Variants in GFOD2 observed in about 807,000 individuals in gnomAD.
The protein encoded by GFOD2 is Gfo/Idh/MocA-like oxidoreductase domain containing 2.
In GFOD2, 9 loss-of-function variants were observed where a neutral mutation model predicts 24.6. The ratio of observed to expected loss-of-function variants is 0.37; its 90% confidence interval spans 0.22 to 0.64. GFOD2 has a LOEUF of 0.64. GFOD2 is among the 30% of genes least tolerant of loss of function. The probability of loss-of-function intolerance (pLI) is 0.65; values close to 1 mark genes in which losing one functional copy is unlikely to be tolerated. For missense variants in GFOD2, 476 were observed against 532.5 expected, an observed-to-expected ratio of 0.89 and a Z score of 1.04; for synonymous variants, 211 against 224.8, an observed-to-expected ratio of 0.94 and a Z score of 0.55.
rs188798941 is a variant in GFOD2, at chr16:67,700,112, G to A, written c.-87-14310C>T. ...AACTAGGCCAGGCGCGGTGGCTCAC[G>A]CCTATAATCCCAGCACTTTGGGAGG... On this transcript the variant is annotated intron_variant, in intron 1 of 2. Coordinates refer to ENST00000268797, the MANE Select transcript of GFOD2 (RefSeq NM_030819.4). 6.4e-4 allele frequency among the ~76,000 whole-genome samples: 97 copies of A among 151,416 alleles called. No homozygotes were observed. In the East Asian group the frequency reaches 0.018, roughly 28 times the overall value.
intron 1 of GFOD2, among the ~76,000 whole-genome samples, chr16:67,708,211 C>T (rs1364205036): frequency 6.6e-6 from 1 of 152,268 alleles, no homozygotes; most frequent in East Asian, 1.9e-4. Context: ...CATAGAACAA[C>T]CTGTTCACAC....
chr16:67,697,975 G>A (rs901576615), intron 1 of GFOD2, among the ~76,000 whole-genome samples: 1 of 152,104 alleles, frequency 6.6e-6, no homozygotes, highest in Non-Finnish European at 1.5e-5. Flanking sequence ...AGTATTCTTG[G>A]TCTGCTCCTC....
intron 1 of GFOD2, among the ~76,000 whole-genome samples, chr16:67,695,533 AG>A (rs1172313734): frequency 6.9e-6 from 1 of 145,360 alleles, no homozygotes; most frequent in Non-Finnish European, 1.5e-5. Flanking sequence ...ATTCTACTTA[AG>A]TTTTTTTTTT....
At chr16:67,685,302 C>A in intron 2 of GFOD2, 155 bp downstream of exon 2, 1 of 1,462,698 alleles carries the variant, frequency 6.8e-7, no homozygotes. Context: ...TTCATGCCCT[C>A]CCCAAGCACT....
intron 1 of GFOD2, among the ~76,000 whole-genome samples, chr16:67,696,778 A>G (rs2053362911): frequency 1.3e-5 from 2 of 151,974 alleles, no homozygotes; most frequent in African/African-American, 2.4e-5. Context: ...CGGCCGAAAA[A>G]TTTTTAATAA....
chr16:67,687,115 T>A (rs116175322), intron 1 of GFOD2, among the ~76,000 whole-genome samples: 1,489 of 137,784 alleles, frequency 0.011, 23 homozygotes, highest in African/African-American at 0.037. Context: ...GCCACTGCAC[T>A]CCAGCGTGTG....
chr16:67,680,602 G>GA (rs1359800142), intron 2 of GFOD2: 2 of 420,890 alleles, frequency 4.8e-6, no homozygotes, highest in Non-Finnish European at 3.2e-6. Context: ...CCTTGACCCT[G>GA]AAGAACCCCA....
chr16:67,711,153 GCT>G (rs757288046), intron 1 of GFOD2, among the ~76,000 whole-genome samples: 6 of 152,196 alleles, frequency 3.9e-5, no homozygotes, highest in Non-Finnish European at 7.3e-5. Flanking sequence ...CTCTCATGAT[GCT>G]CTGTGTTCAG....
chr16:67,694,082 G>A (rs935881828), intron 1 of GFOD2, among the ~76,000 whole-genome samples: 2 of 151,820 alleles, frequency 1.3e-5, no homozygotes, highest in South Asian at 4.1e-4. Context: ...CACCTCCCGA[G>A]CTCTGAGGCT....
At chr16:67,696,913 C>T (rs974582618) in intron 1 of GFOD2, among the ~76,000 whole-genome samples, 1 of 152,220 alleles carries the variant, frequency 6.6e-6, no homozygotes, top group Non-Finnish European at 1.5e-5. Context: ...ATTTCCTGCC[C>T]AAGCAGGCAG....
At chr16:67,683,388 C>A in intron 2 of GFOD2, 10 of 1,228,214 alleles carry the variant, frequency 8.1e-6, no homozygotes, top group Non-Finnish European at 1.0e-5. Flanking sequence ...ACCTTTCCAG[C>A]CTGCATTCAA....
rs147374917 is a variant in GFOD2, at chr16:67,693,654, T to C, written c.-87-7852A>G. ...TTTTTAGGTGTACAGTTCAGTGCACTAATACATTCGTATTGTGCAACCATC... is the reference window on the plus strand; with the variant it reads ...TTTTTAGGTGTACAGTTCAGTGCACCAATACATTCGTATTGTGCAACCATC... On this transcript the variant is annotated intron_variant, in intron 1 of 2. Coordinates refer to ENST00000268797, the MANE Select transcript of GFOD2 (RefSeq NM_030819.4). 2.7e-3 allele frequency among the ~76,000 whole-genome samples: 410 copies of C among 152,342 alleles called. 2 individuals are homozygous for C. The highest frequency in any genetic ancestry group is 5.0e-3 in the Non-Finnish European group (342 of 68,034).
chr16:67,681,058 T>G (rs540873531), intron 2 of GFOD2: 8 of 985,390 alleles, frequency 8.1e-6, no homozygotes, highest in Non-Finnish European at 9.6e-6. Flanking sequence ...CCAGTGCTTC[T>G]CCACACTTGT....
At chr16:67,709,555 AT>A (rs1478255614) in intron 1 of GFOD2, among the ~76,000 whole-genome samples, 11 of 152,148 alleles carry the variant, frequency 7.2e-5, no homozygotes, top group African/African-American at 2.7e-4. Context: ...TGTAATTATG[AT>A]TTGAGATTAA....
At chr16:67,700,348 C>G (rs1348563050) in intron 1 of GFOD2, among the ~76,000 whole-genome samples, 2 of 151,298 alleles carry the variant, frequency 1.3e-5, no homozygotes, top group African/African-American at 2.4e-5. Context: ...GCACTCCAGC[C>G]TGGGCAACAC....
In GFOD2 at chr16:67,675,391, C is replaced by T; in HGVS notation, c.922G>A (p.Val308Ile). 6.2e-7 allele frequency: 1 copy of T among 1,613,434 alleles called. No individual in the cohort carries two copies. The highest frequency in any genetic ancestry group is 8.5e-7 in the Non-Finnish European group (1 of 1,179,986). ...DVPLLYLKGMVYMVQALRQSF... is the reference protein window; with the variant it reads ...DVPLLYLKGMIYMVQALRQSF... Reference sequence around the variant, plus strand: ...TGGCGCAAGGCCTGCACCATGTAGACCATGCCCTTCAGGTACAGCAGCGGG... The same window carrying T: ...TGGCGCAAGGCCTGCACCATGTAGATCATGCCCTTCAGGTACAGCAGCGGG... The change falls in exon 3 of 3, where the codon GTC (valine) becomes ATC (isoleucine). Residue 308 changes from valine to isoleucine, a missense_variant. Coordinates refer to ENST00000268797, the MANE Select transcript of GFOD2 (RefSeq NM_030819.4).
intron 2 of GFOD2, among the ~76,000 whole-genome samples, chr16:67,678,837 T>C (rs2053203024): frequency 6.6e-6 from 1 of 152,084 alleles, no homozygotes; most frequent in African/African-American, 2.4e-5. Context: ...TCAGCCAATG[T>C]CGTAAATACA....
chr16:67,713,522 C>T (rs1003324722), intron 1 of GFOD2, among the ~76,000 whole-genome samples: 1 of 152,208 alleles, frequency 6.6e-6, no homozygotes, highest in Admixed American at 6.5e-5. Context: ...GTGCCTCTGC[C>T]TGATGGGCTA....
At chr16:67,708,034 G>A (rs904014149) in intron 1 of GFOD2, among the ~76,000 whole-genome samples, 3 of 152,158 alleles carry the variant, frequency 2.0e-5, no homozygotes, top group African/African-American at 7.2e-5. Context: ...AGAGGCACAA[G>A]GCTACATTCT....
Sources: allele counts gnomAD v4.1 joint callset (sites outside exome capture counted in the v4.1 genomes callset), GRCh38; gene constraint gnomAD v4.1.1; transcripts MANE v1.5; gene names NCBI Gene and HGNC (gene_info 2026-07-23, HGNC 2026-07-21).